SLC47A1: variants seen among roughly 807,000 people sequenced by gnomAD.
The protein encoded by SLC47A1 is multidrug and toxin extrusion protein 1.
Under a neutral mutation model 65.8 loss-of-function variants are expected in SLC47A1, and 58 were observed. The observed-to-expected ratio is 0.88, with a 90% confidence interval of 0.71 to 1.10. The LOEUF is 1.10. SLC47A1 is among the 50% of genes least tolerant of loss of function. The pLI is 0.00. For missense variants in SLC47A1, 706 were observed against 719.2 expected (o/e 0.98, Z 0.21); for synonymous variants, 285 against 295.0 (o/e 0.97, Z 0.35).
chr17:19,571,514 A>G lies in SLC47A1; in HGVS notation c.1346A>G (p.Gln449Arg). Residue 449 changes from glutamine (Q) to arginine (R), a missense_variant, in exon 15 of 17, where the codon CAA becomes CGA. By Grantham distance (43) the Gln-to-Arg change is conservative (BLOSUM62 1). Coordinates refer to ENST00000270570, the MANE Select transcript of SLC47A1 (RefSeq NM_018242.3). ...GGGATCATCATCTGTACAGTCTTTCAAGCTGTGTGTTTTCTAGGCTTTATT... is the reference window on the plus strand; with the variant it reads ...GGGATCATCATCTGTACAGTCTTTCGAGCTGTGTGTTTTCTAGGCTTTATT... ...WSGIIICTVF[Q>R]AVCFLGFIIQ... The G allele has an allele frequency of 6.2e-7, 1 of 1,614,096 alleles. No homozygotes were observed. The highest frequency in any genetic ancestry group is 1.1e-5 in the South Asian group (1 of 91,058).
chr17:19,543,023 T>C (rs1445030385), intron 2 of SLC47A1, among the ~76,000 whole-genome samples: 1 of 150,776 alleles, frequency 6.6e-6, no homozygotes, highest in African/African-American at 2.4e-5. Context: ...AAGTCCTGAG[T>C]TCAAGCAATC....
chr17:19,556,628 G>A (rs1163951208), intron 10 of SLC47A1, among the ~76,000 whole-genome samples: 2 of 145,562 alleles, frequency 1.4e-5, no homozygotes, highest in African/African-American at 2.6e-5. Flanking sequence ...GTGTGATCTC[G>A]GCTCACTGCA....
At chr17:19,536,777 CATG>C (rs1234397087) in intron 1 of SLC47A1, among the ~76,000 whole-genome samples, 1 of 152,190 alleles carries the variant, frequency 6.6e-6, no homozygotes, top group African/African-American at 2.4e-5. Flanking sequence ...TCCAACATAA[CATG>C]AGGAAGATGC....
chr17:19,559,788 C>T (rs1009723502), intron 10 of SLC47A1, among the ~76,000 whole-genome samples: 1 of 152,088 alleles, frequency 6.6e-6, no homozygotes, highest in African/African-American at 2.4e-5. Context: ...CTGCCTCGGC[C>T]TCCCAAAGTG....
intron 10 of SLC47A1, 59 bp downstream of exon 10, chr17:19,556,121 A>G (rs757229635): frequency 7.0e-6 from 11 of 1,576,206 alleles, no homozygotes; most frequent in Non-Finnish European, 8.7e-6. Flanking sequence ...TGGTATCTGA[A>G]AGAGTCTATG....
At chr17:19,539,881 G>A (rs1451382707) in intron 1 of SLC47A1, among the ~76,000 whole-genome samples, 4 of 152,014 alleles carry the variant, frequency 2.6e-5, no homozygotes, top group Non-Finnish European at 5.9e-5. Flanking sequence ...TCACCCAAAG[G>A]GCTTGAAACC....
Position 19,547,963 on chromosome 17 carries a change from A to C in SLC47A1, c.307-22A>C, listed in dbSNP as rs769366531. ...GTGCTGGGTCTGTGCTAATGGGCTC[A>C]TTTTGGCTGTGTGCACCCCAGACGT... On this transcript the variant is annotated intron_variant, in intron 3 of 16. Transcript: ENST00000270570. 1.9e-6 allele frequency: 3 copies of C among 1,601,064 alleles called. No homozygotes were observed. The Admixed American group carries it at 5.0e-5, about 27-fold the overall frequency.
chr17:19,552,707 G>A (rs544614067), intron 6 of SLC47A1, among the ~76,000 whole-genome samples: 1 of 152,334 alleles, frequency 6.6e-6, no homozygotes, highest in South Asian at 2.1e-4. Context: ...CAGAGGACAC[G>A]TGGAGTTTCC....
chr17:19,565,104 C>T (rs1412206441), intron 12 of SLC47A1, among the ~76,000 whole-genome samples: 1 of 152,180 alleles, frequency 6.6e-6, no homozygotes, highest in Admixed American at 6.5e-5. Flanking sequence ...ACAAAACTCA[C>T]TCCAAGGGTG....
At position 19,560,313 on chromosome 17, in the gene SLC47A1, A is replaced by G. The variant is rs374961983; in HGVS notation, c.1030+17A>G. 3.3e-4 allele frequency: 536 copies of G among 1,610,332 alleles called. 3 individuals carry two copies. Among genetic ancestry groups the G allele is most frequent in the South Asian group, 9.8e-4 (89 of 90,950 alleles). ...TGATTACAGGTGCTGAGACCCCTTT[A>G]CCCGAGGCTCTTGGTGCAGTCTCTG... On this transcript the variant is annotated intron_variant, in intron 11 of 16. Transcript: ENST00000270570.
At chr17:19,556,668 T>A (rs1309722771) in intron 10 of SLC47A1, among the ~76,000 whole-genome samples, 1 of 151,664 alleles carries the variant, frequency 6.6e-6, no homozygotes, top group African/African-American at 2.4e-5. Flanking sequence ...AAGCATTTCT[T>A]CTGCCTCAGC....
At chr17:19,553,362 C>T (rs985481181) in intron 6 of SLC47A1, among the ~76,000 whole-genome samples, 2 of 152,110 alleles carry the variant, frequency 1.3e-5, no homozygotes, top group African/African-American at 4.8e-5. Flanking sequence ...CCTTCCATTC[C>T]ATCGCAATGG....
At position 19,567,081 on chromosome 17, in the gene SLC47A1, GCT is replaced by G; in HGVS notation, c.1177-10_1177-9del. 1 of 1,614,192 alleles carries G rather than the reference GCT, an allele frequency of 6.2e-7. No homozygotes were observed. Among genetic ancestry groups the G allele is most frequent in the South Asian group, 1.1e-5 (1 of 91,072 alleles). ...CCGGATGTGTTCACAGTGATGGAAT[GCT>G]CTCTGCCTGCAGTGCACGAGTGGTG... On this transcript the variant is annotated splice_polypyrimidine_tract_variant and intron_variant, in intron 13 of 16. Coordinates refer to ENST00000270570, the MANE Select transcript of SLC47A1 (RefSeq NM_018242.3).
chr17:19,536,842 C>T (rs1477732316), intron 1 of SLC47A1, among the ~76,000 whole-genome samples: 1 of 152,204 alleles, frequency 6.6e-6, no homozygotes, highest in African/African-American at 2.4e-5. Context: ...CATCTCCCTT[C>T]CAGACCTCTC....
In SLC47A1 at chr17:19,555,776, T is replaced by C. The variant is rs1427269908; in HGVS notation, c.740-20T>C. ...GCCCGATGGCCAGATCTCCTGGAAA[T>C]GTGTGTGTCCCCCCCACAGGCTGGT... On this transcript the variant is annotated intron_variant, in intron 8 of 16. Transcript: ENST00000270570. 5.6e-6 allele frequency: 9 copies of C among 1,613,296 alleles called. No homozygotes were observed. In the East Asian group the frequency reaches 8.9e-5, roughly 16 times the overall value.
At chr17:19,558,059 T>TAATGATACGGCGACCACCGAGATCTA in intron 10 of SLC47A1, 1 of 206,124 alleles carries the variant, frequency 4.9e-6, no homozygotes, top group Non-Finnish European at 1.0e-5. Context: ...ACCAGTTTTG[T>TAATGATACGGCGACCACCGAGATCTA]CACATTTATT....
At position 19,566,277 on chromosome 17, in the gene SLC47A1, T is replaced by C. The variant is rs115147289; in HGVS notation, c.1107-513T>C. Among the ~76,000 whole-genome samples the C allele has an allele frequency of 4.3e-3, 659 of 152,306 alleles. 4 individuals are homozygous for C. The highest frequency in any genetic ancestry group is 0.015 in the African/African-American group (619 of 41,574). ...CACTGGGGGACTTGAAACATATCTC[T>C]TGAAGACAAGGGTGTGGTGCTGCCT... On this transcript the variant is annotated intron_variant, in intron 12 of 16. Coordinates refer to ENST00000270570, the MANE Select transcript of SLC47A1 (RefSeq NM_018242.3).
At chr17:19,572,740 C>T in intron 15 of SLC47A1, 40 bp from the exon 16 acceptor site, 1 of 1,583,198 alleles carries the variant, frequency 6.3e-7, no homozygotes. Context: ...ACCATATTAA[C>T]ACTATTGTGA....
chr17:19,554,418 G>A (rs549717415), intron 6 of SLC47A1, among the ~76,000 whole-genome samples: 11 of 152,278 alleles, frequency 7.2e-5, no homozygotes, highest in African/African-American at 2.4e-4. Context: ...GAGCCTCCAC[G>A]CGAGAGTGGG....
Sources: allele counts gnomAD v4.1 joint callset (sites outside exome capture counted in the v4.1 genomes callset), GRCh38; gene constraint gnomAD v4.1.1; transcripts MANE v1.5; gene names NCBI Gene and HGNC (gene_info 2026-07-23, HGNC 2026-07-21).